RYR1: variants seen among roughly 807,000 people sequenced by gnomAD.
RYR1 encodes the protein ryanodine receptor 1.
In RYR1, 342 loss-of-function variants were observed where a neutral mutation model predicts 583.5. The observed-to-expected ratio is 0.59, with a 90% confidence interval of 0.54 to 0.64. RYR1 has a LOEUF of 0.64. Ranked by LOEUF, RYR1 falls within the 30% of genes least tolerant of loss-of-function variation. The pLI, the probability that RYR1 is intolerant of heterozygous loss-of-function variation, is 0.00. For missense variants in RYR1, 6,032 were observed against 6,917.2 expected (o/e 0.87, Z 4.54); for synonymous variants, 2,791 against 2,822.5 (o/e 0.99, Z 0.35).
At position 38,516,112 on chromosome 19, in the gene RYR1, C is replaced by T. The variant is rs1970955314; in HGVS notation, c.9580C>T (p.Leu3194=). The change falls in exon 65 of 106, where the codon CTG becomes TTG. Residue 3194 remains leucine, a synonymous_variant. Coordinates refer to ENST00000359596, the MANE Select transcript of RYR1 (RefSeq NM_000540.3). ...GCTTCGGCCAGCCCTCGGGGAGTGC[C>T]TGGCCCGTCTGGCAGCAGCCATGCC... ...EKLRPALGEC[L]ARLAAAMPVA... is the part of the protein sequence containing the mutation. The T allele has an allele frequency of 6.5e-6, 10 of 1,549,638 alleles. No homozygotes were observed. The African/African-American group carries it at 1.1e-4, about 17-fold the overall frequency.
intron 94 of RYR1, 81 bp downstream of exon 94, chr19:38,570,774 G>GT: frequency 2.4e-6 from 3 of 1,225,406 alleles, no homozygotes; most frequent in Non-Finnish European, 3.6e-6. Flanking sequence ...CAGAATTTCA[G>GT]GGTTCCTCCA....
At chr19:38,457,432 A>G in intron 16 of RYR1, 65 bp from the exon 17 acceptor site, 1 of 1,613,044 alleles carries the variant, frequency 6.2e-7, no homozygotes, top group Non-Finnish European at 8.5e-7. Context: ...CCTCCCTCCC[A>G]GGGTTCTTCT....
intron 49 of RYR1, 86 bp from the exon 50 acceptor site, chr19:38,504,134 C>A: frequency 7.0e-7 from 1 of 1,428,992 alleles, no homozygotes; most frequent in Non-Finnish European, 9.7e-7. Context: ...AAAGCACTGG[C>A]ATGCCTGTGT....
At chr19:38,457,727 TC>T in intron 17 of RYR1, 97 bp downstream of exon 17, 1 of 1,298,902 alleles carries the variant, frequency 7.7e-7, no homozygotes, top group Non-Finnish European at 1.1e-6. Context: ...TTCCTTAATC[TC>T]CCACCCCAGG....
In RYR1 at chr19:38,500,500, AAG is replaced by A; in HGVS notation, c.7324-103_7324-102del. The stretch of plus-strand genomic sequence containing the variant: ...GGAAACTCTAGACAGCCTCCTGAGA[AAG>A]AGGCCTGCTCTACCCTCCTGTGTGG... On this transcript the variant is annotated intron_variant, in intron 45 of 105. Coordinates refer to ENST00000359596, the MANE Select transcript of RYR1 (RefSeq NM_000540.3). The surrounding 1 kb of genome is among the most constrained non-coding windows in gnomAD (Gnocchi z 5.9). 6.5e-7 allele frequency: 1 copy of A among 1,527,474 alleles called. No homozygotes were observed. Among genetic ancestry groups the A allele is most frequent in the Non-Finnish European group, 9.0e-7 (1 of 1,111,386 alleles). 94.6% of individuals were successfully genotyped at this position (1,527,474 alleles called of 1,614,324 possible).
chr19:38,549,915 G>A (rs956896719), intron 89 of RYR1, among the ~76,000 whole-genome samples: 1 of 143,406 alleles, frequency 7.0e-6, no homozygotes, highest in African/African-American at 2.9e-5. Flanking sequence ...GTGTGTGTGT[G>A]TGTGTGTGTG....
intron 63 of RYR1, among the ~76,000 whole-genome samples, chr19:38,514,523 C>T (rs1183141210): frequency 6.6e-6 from 1 of 151,642 alleles, no homozygotes; most frequent in African/African-American, 2.4e-5. Flanking sequence ...TCAGGTGATC[C>T]GTCCACCTCA....
rs1970036969 is a variant in RYR1, at chr19:38,500,055, A to C, written c.7323+39A>C. On this transcript the variant is annotated intron_variant, in intron 45 of 105. Transcript: ENST00000359596. The surrounding 1 kb of genome is among the most constrained non-coding windows in gnomAD (Gnocchi z 5.9). Reference sequence around the variant, plus strand: ...CCAGGGCAGGATGGGAAGGGAGGGCAGGCACAGCCGCTTTGAACGCCTCAT... The same window carrying C: ...CCAGGGCAGGATGGGAAGGGAGGGCCGGCACAGCCGCTTTGAACGCCTCAT... 6.3e-7 allele frequency: 1 copy of C among 1,584,432 alleles called. No individual in the cohort carries two copies. Among genetic ancestry groups the C allele is most frequent in the East Asian group, 2.2e-5 (1 of 44,686 alleles).
chr19:38,538,252 TAGC>T (rs1972060408), intron 84 of RYR1, among the ~76,000 whole-genome samples: 1 of 151,958 alleles, frequency 6.6e-6, no homozygotes, highest in African/African-American at 2.4e-5. Context: ...ATAAAAAAAA[TAGC>T]AGGGCGTGGT....
rs766633897 is a variant in RYR1, at chr19:38,496,857, C to T, written c.6797-3C>T. 9 of 1,612,860 alleles carry T rather than the reference C, an allele frequency of 5.6e-6. No individual in the cohort carries two copies. The highest frequency in any genetic ancestry group is 1.1e-5 in the South Asian group (1 of 91,026). On this transcript the variant is annotated splice_polypyrimidine_tract_variant and splice_region_variant and intron_variant, in intron 41 of 105. Coordinates refer to ENST00000359596, the MANE Select transcript of RYR1 (RefSeq NM_000540.3). This position sits in a 1 kb window ranked among gnomAD's most constrained non-coding sequence, Gnocchi z 4.8. ...ATGTTCTCCCCACCTCTCGCCCCTG[C>T]AGGCATGCAGGGCTCCACGCCCCTG...
intron 91 of RYR1, among the ~76,000 whole-genome samples, chr19:38,566,218 G>T (rs1973418968): frequency 6.6e-6 from 1 of 151,896 alleles, no homozygotes. Context: ...GGAGGCCGAG[G>T]CGGGCCGATC....
intron 99 of RYR1, among the ~76,000 whole-genome samples, chr19:38,579,048 G>A (rs1257450827): frequency 4.6e-5 from 7 of 152,098 alleles, no homozygotes; most frequent in Non-Finnish European, 1.0e-4. Context: ...TTGAGCCCAG[G>A]AGGCAGAGGT....
At position 38,477,762 on chromosome 19, in the gene RYR1, C is replaced by A; in HGVS notation, c.4346C>A (p.Ala1449Glu). The A allele has an allele frequency of 6.2e-7, 1 of 1,614,080 alleles. No individual in the cohort carries two copies. Among genetic ancestry groups the A allele is most frequent in the Non-Finnish European group, 8.5e-7 (1 of 1,180,000 alleles). Reference protein sequence around the residue: ...FAGQEPSCVWAGWVTPDYHQH... With the variant: ...FAGQEPSCVWEGWVTPDYHQH... ...GGACAGGAGCCCAGCTGCGTGTGGG[C>A]GGGCTGGGTCACCCCTGACTACCAT... is the stretch of plus-strand genomic sequence containing the variant. Residue 1449 changes from alanine (A) to glutamate (E), a missense_variant, in exon 30 of 106, where the codon GCG (alanine) becomes GAG (glutamate). Transcript: ENST00000359596.
chr19:38,562,746 C>G (rs907344867), intron 90 of RYR1, among the ~76,000 whole-genome samples: 7 of 152,224 alleles, frequency 4.6e-5, no homozygotes, highest in South Asian at 4.1e-4. Flanking sequence ...GTCCCAGGCC[C>G]TTGCACACCT....
chr19:38,564,759 GC>G (rs1973309465), intron 90 of RYR1, among the ~76,000 whole-genome samples, 199 bp from the exon 91 acceptor site: 1 of 152,150 alleles, frequency 6.6e-6, no homozygotes, highest in African/African-American at 2.4e-5. Context: ...CAAGTGATCT[GC>G]CAGCCTCAGT....
Position 38,467,512 on chromosome 19 carries a change from C to T in RYR1, c.3179-98C>T. The stretch of plus-strand genomic sequence containing the variant: ...CCCTCTTCCAACAGTTCCCCAAAGC[C>T]CTTACTGTCCCCCAAAGCCTGTCTT... On this transcript the variant is annotated intron_variant, in intron 24 of 105. Transcript: ENST00000359596. The T allele has an allele frequency of 3.9e-6, 5 of 1,281,026 alleles. No individual in the cohort carries two copies. The South Asian group carries it at 4.8e-5, about 12-fold the overall frequency. 79.4% of individuals were successfully genotyped at this position (1,281,026 alleles called of 1,614,324 possible).
Position 38,512,363 on chromosome 19 carries a change from G to A in RYR1, c.9352G>A (p.Ala3118Thr). ...ENLRLGKVSQ[A>T]RTQVKGVGQN... ...CCTGCGGCTGGGCAAGGTGTCGCAG[G>A]CGCGCACCCAGGTGAAAGGCGTGGG... The change falls in exon 63 of 106, where the codon GCG (alanine) becomes ACG (threonine). Residue 3118 changes from alanine (A) to threonine (T), a missense_variant. Around this residue, in one of 11 missense-constraint regions of RYR1, gnomAD observed 1,493 missense variants for 1,715.5 expected, o/e 0.87. Coordinates refer to ENST00000359596, the MANE Select transcript of RYR1 (RefSeq NM_000540.3). The surrounding 1 kb of genome is among the most constrained non-coding windows in gnomAD (Gnocchi z 5.1). The A allele has an allele frequency of 6.2e-7, 1 of 1,614,100 alleles. No homozygotes were observed. Among genetic ancestry groups the A allele is most frequent in the East Asian group, 2.2e-5 (1 of 44,886 alleles).
At chr19:38,574,821 C>T (rs947921605) in intron 96 of RYR1, among the ~76,000 whole-genome samples, 10 of 151,822 alleles carry the variant, frequency 6.6e-5, no homozygotes, top group African/African-American at 2.2e-4. Context: ...AGGCGGATCA[C>T]GAGGTCAGGA....
intron 97 of RYR1, among the ~76,000 whole-genome samples, chr19:38,577,636 A>C (rs1201231877): frequency 6.6e-6 from 1 of 152,108 alleles, no homozygotes; most frequent in African/African-American, 2.4e-5. Context: ...GTCCCTACTA[A>C]AAATACAAAA....
Sources: gnomAD v4.1 joint callset for allele counts (sites outside exome capture counted in the v4.1 genomes callset) on GRCh38, gnomAD v4.1.1 for gene constraint, gnomAD v4.1.1 regional missense constraint, Gnocchi (gnomAD v3.1) non-coding constraint, MANE v1.5 for transcripts, NCBI Gene and HGNC (gene_info 2026-07-23, HGNC 2026-07-21) for gene names.